CCDC127: variants seen among roughly 807,000 people sequenced by gnomAD.
The protein encoded by CCDC127 is coiled-coil domain-containing protein 127.
Under a neutral mutation model 4.1 loss-of-function variants are expected in CCDC127, and 2 were observed. The observed-to-expected ratio is 0.49, with a 90% CI of 0.20 to 1.53. CCDC127 has a LOEUF of 1.53. Ranked by LOEUF, CCDC127 falls within the 40% of genes most tolerant of loss-of-function variation. The probability of loss-of-function intolerance (pLI) is 0.23; values close to 1 mark genes in which losing one functional copy is unlikely to be tolerated. For synonymous variants in CCDC127, 98 were observed against 120.4 expected (o/e 0.81, Z 1.22); for missense variants, 271 against 322.9 (o/e 0.84, Z 1.23).
rs1268683788 is a variant in CCDC127 at position 200,140 on chromosome 5, C to T, written c.*5157G>A. On this transcript the variant is annotated 3_prime_UTR_variant, in exon 3 of 3. Coordinates refer to ENST00000296824, the MANE Select transcript of CCDC127 (RefSeq NM_145265.3). ...GTCCTGTGAGCCGCAGAGCCACATTCAGGCTCATCTGGTCCCGCTACCCGA... is the reference window on the plus strand; with the variant it reads ...GTCCTGTGAGCCGCAGAGCCACATTTAGGCTCATCTGGTCCCGCTACCCGA... 6.6e-6 allele frequency: 1 copy of T among 152,266 alleles called. No homozygotes were observed. Among genetic ancestry groups the T allele is most frequent in the East Asian group, 1.9e-4 (1 of 5,206 alleles). 9.4% of individuals were successfully genotyped at this position (152,266 alleles called of 1,614,324 possible).
Position 205,236 on chromosome 5 carries a change from C to T in CCDC127, c.*61G>A. ...CACGGGAACGGAAGACGCCGGAGAC[C>T]CAGAAGGCGCATGACTGCCTGGCCT... On this transcript the variant is annotated 3_prime_UTR_variant, in exon 3 of 3. Transcript: ENST00000296824. 1 of 1,491,158 alleles carries T rather than the reference C, an allele frequency of 6.7e-7. No individual in the cohort carries two copies. The highest frequency in any genetic ancestry group is 9.1e-7 in the Non-Finnish European group (1 of 1,097,736). 92.4% of individuals were successfully genotyped at this position (1,491,158 alleles called of 1,614,324 possible).
At chr5:209,961 A>G (rs1734247442) in intron 2 of CCDC127, among the ~76,000 whole-genome samples, 1 of 152,222 alleles carries the variant, frequency 6.6e-6, no homozygotes, top group African/African-American at 2.4e-5. Flanking sequence ...CTTGATAAAC[A>G]GCATCTACGG....
At position 205,804 on chromosome 5, in the gene CCDC127, G is replaced by T. The variant is rs751733851; in HGVS notation, c.276C>A (p.Leu92=). The T allele has an allele frequency of 2.5e-6, 4 of 1,613,868 alleles. No homozygotes were observed. The highest frequency in any genetic ancestry group is 3.4e-6 in the Non-Finnish European group (4 of 1,180,022). ...TAGCAGTTCTGTTTTGTTCCTTTTC[G>T]AGTTCCAAGGACAACTGAGCGACAG... The part of the protein sequence containing the change: ...RRAVAQLSLE[L]EKEQNRTASY... Residue 92 remains leucine (L), a synonymous_variant, in exon 3 of 3, where the codon CTC becomes CTA. Transcript: ENST00000296824.
chr5:207,239 T>C (rs1734194041), intron 2 of CCDC127, among the ~76,000 whole-genome samples: 1 of 152,198 alleles, frequency 6.6e-6, no homozygotes. Flanking sequence ...GACACTTCAC[T>C]GAGTAAGCAC....
At position 218,149 on chromosome 5, in the gene CCDC127, G is replaced by C; in HGVS notation, c.-67C>G. 1 of 1,244,106 alleles carries C rather than the reference G, an allele frequency of 8.0e-7. No homozygotes were observed. Among genetic ancestry groups the C allele is most frequent in the Non-Finnish European group, 1.0e-6 (1 of 992,692 alleles). The allele number at this position is 1,244,106 out of a possible 1,614,324, so 77.1% of individuals were successfully genotyped here. A position where few individuals can be genotyped will look rare whatever the true frequency, so the allele number is the denominator to read the frequency against. On this transcript the variant is annotated 5_prime_UTR_variant, in exon 1 of 3. Coordinates refer to ENST00000296824, the MANE Select transcript of CCDC127 (RefSeq NM_145265.3). The stretch of plus-strand genomic sequence containing the variant: ...CCTTAACGCCACCGTCCGCGGGTCC[G>C]CTTTGCGCAGGCGCGGCGCCCCCAC...
At chr5:214,572 G>C (rs924161456) in intron 2 of CCDC127, 2 of 152,210 alleles carry the variant, frequency 1.3e-5, no homozygotes, top group African/African-American at 2.4e-5. Context: ...GAGAGAAAAG[G>C]GGGGAAGCAG....
rs1442862315 is a variant in CCDC127, at chr5:197,013, TAAGGAG to T, written c.*8278_*8283del. On this transcript the variant is annotated 3_prime_UTR_variant, in exon 3 of 3. Coordinates refer to ENST00000296824, the MANE Select transcript of CCDC127 (RefSeq NM_145265.3). ...ATGTAGTAGGAGAGCAGGGTGATAA[TAAGGAG>T]GAGGTCAGCAAAAACGTGTGAGCAA... 1 of 150,502 alleles carries T rather than the reference TAAGGAG, an allele frequency of 6.6e-6. No individual in the cohort carries two copies. The highest frequency in any genetic ancestry group is 2.5e-5 in the African/African-American group (1 of 40,094). 9.3% of individuals were successfully genotyped at this position (150,502 alleles called of 1,614,324 possible). A position where few individuals can be genotyped will look rare whatever the true frequency, so the allele number is the denominator to read the frequency against.
chr5:210,856 C>T (rs76501641), intron 2 of CCDC127, among the ~76,000 whole-genome samples: 1 of 97,268 alleles, frequency 1.0e-5, no homozygotes, highest in African/African-American at 5.2e-5. Context: ...TGCTCGACAT[C>T]GCACACTGCA....
rs530414301 is a variant in CCDC127, at chr5:197,268, C to A, written c.*8029G>T. 2.6e-5 allele frequency: 4 copies of A among 152,178 alleles called. No individual in the cohort carries two copies. The highest frequency in any genetic ancestry group is 9.7e-5 in the African/African-American group (4 of 41,424). 9.4% of individuals were successfully genotyped at this position (152,178 alleles called of 1,614,324 possible). A position where few individuals can be genotyped will look rare whatever the true frequency, so the allele number is the denominator to read the frequency against. On this transcript the variant is annotated 3_prime_UTR_variant, in exon 3 of 3. Coordinates refer to ENST00000296824, the MANE Select transcript of CCDC127 (RefSeq NM_145265.3). ...TTACACCGCGACATTCAGTTCCCAGCGGCGAGCAGGAGACAGTGGACTTCT... is the reference window on the plus strand; with the variant it reads ...TTACACCGCGACATTCAGTTCCCAGAGGCGAGCAGGAGACAGTGGACTTCT...
chr5:210,513 C>T (rs1041034732), intron 2 of CCDC127, among the ~76,000 whole-genome samples: 1 of 152,256 alleles, frequency 6.6e-6, no homozygotes, highest in African/African-American at 2.4e-5. Context: ...GGAGGATACG[C>T]TGATGGCAAT....
In CCDC127 at chr5:204,027, T is replaced by A. The variant is rs1162234717; in HGVS notation, c.*1270A>T. 1.3e-5 allele frequency: 2 copies of A among 152,250 alleles called. No homozygotes were observed. The highest frequency in any genetic ancestry group is 2.9e-5 in the Non-Finnish European group (2 of 68,068). 9.4% of individuals were successfully genotyped at this position (152,250 alleles called of 1,614,324 possible). On this transcript the variant is annotated 3_prime_UTR_variant, in exon 3 of 3. Coordinates refer to ENST00000296824, the MANE Select transcript of CCDC127 (RefSeq NM_145265.3). ...ACAGACCACACCAAACCCACCCTCCTTCTGGACAAGTGGGGAATTCCCACA... is the reference window on the plus strand; with the variant it reads ...ACAGACCACACCAAACCCACCCTCCATCTGGACAAGTGGGGAATTCCCACA...
chr5:217,537 A>G (rs1354648297), intron 1 of CCDC127, among the ~76,000 whole-genome samples: 1 of 152,156 alleles, frequency 6.6e-6, no homozygotes, highest in Non-Finnish European at 1.5e-5. Flanking sequence ...ACACTTTCAT[A>G]TGAGCTAGGG....
chr5:213,610 A>G (rs1041485056), intron 2 of CCDC127, among the ~76,000 whole-genome samples: 2 of 149,328 alleles, frequency 1.3e-5, no homozygotes, highest in African/African-American at 5.0e-5. Flanking sequence ...CAGTGTGAGC[A>G]CGCTGATGCT....
Position 205,769 on chromosome 5 carries a change from T to A in CCDC127, c.311A>T (p.Glu104Val), listed in dbSNP as rs200707000. The part of the protein sequence containing the change: ...KEQNRTASYR[E>V]ALISQGRKLV... ...CTTGCGTCCCTGAGAGATAAGGGCT[T>A]CTCGGTAACTAGCAGTTCTGTTTTG... Residue 104 changes from glutamate (E) to valine (V), a missense_variant, in exon 3 of 3, where the codon GAA (glutamate) becomes GTA (valine). This residue lies in a region of CCDC127 where 265 missense variants were observed against 270.9 expected (regional missense o/e 0.98). Transcript: ENST00000296824. 9.3e-6 allele frequency: 15 copies of A among 1,614,220 alleles called. No individual in the cohort carries two copies. In the Admixed American group the frequency reaches 2.5e-4, roughly 27 times the overall value.
At chr5:213,602 G>A (rs1240725272) in intron 2 of CCDC127, among the ~76,000 whole-genome samples, 4 of 150,004 alleles carry the variant, frequency 2.7e-5, no homozygotes, top group African/African-American at 7.4e-5. Context: ...CGGGACAGCA[G>A]TGTGAGCACG....
rs1481838977 is a variant in CCDC127 at position 202,646 on chromosome 5, C to T, written c.*2651G>A. The T allele has an allele frequency of 2.6e-5, 4 of 152,284 alleles. No individual in the cohort carries two copies. Among genetic ancestry groups the T allele is most frequent in the Non-Finnish European group, 5.9e-5 (4 of 68,054 alleles). The allele number at this position is 152,284 out of a possible 1,614,324, so 9.4% of individuals were successfully genotyped here. A position where few individuals can be genotyped will look rare whatever the true frequency, so the allele number is the denominator to read the frequency against. ...GTCAGCGGGTCAGTGTCCACACCAG[C>T]TTGAAGGCTCTGAACATATCTATCT... On this transcript the variant is annotated 3_prime_UTR_variant, in exon 3 of 3. Transcript: ENST00000296824.
chr5:218,140 C>T lies in CCDC127; in HGVS notation c.-58G>A, dbSNP rs1359201117. The T allele has an allele frequency of 7.3e-6, 9 of 1,237,552 alleles. No homozygotes were observed. In the East Asian group the frequency reaches 9.7e-5, roughly 13 times the overall value. 76.7% of individuals were successfully genotyped at this position (1,237,552 alleles called of 1,614,324 possible). On this transcript the variant is annotated 5_prime_UTR_variant, in exon 1 of 3. Transcript: ENST00000296824. ...TCAGCGTTCCCTTAACGCCACCGTC[C>T]GCGGGTCCGCTTTGCGCAGGCGCGG...
At chr5:212,521 G>T (rs1734300296) in intron 2 of CCDC127, among the ~76,000 whole-genome samples, 1 of 8,730 alleles carries the variant, frequency 1.1e-4, no homozygotes, top group Non-Finnish European at 2.8e-4. Context: ...GGGCAGACGG[G>T]ACAGCAATGT....
chr5:207,814 G>A (rs1051912369), intron 2 of CCDC127, among the ~76,000 whole-genome samples: 1 of 152,152 alleles, frequency 6.6e-6, no homozygotes. Flanking sequence ...GGGTGGCGCC[G>A]AATCAAGAGG....
Sources: allele counts gnomAD v4.1 joint callset (sites outside exome capture counted in the v4.1 genomes callset), GRCh38; gene constraint gnomAD v4.1.1; regional missense constraint gnomAD v4.1.1; transcripts MANE v1.5; gene names NCBI Gene and HGNC (gene_info 2026-07-23, HGNC 2026-07-21).